Variants in PTPRD observed in about 807,000 individuals in gnomAD.
PTPRD encodes the protein protein tyrosine phosphatase receptor type D.
In PTPRD, 34 loss-of-function variants were observed where a neutral mutation model predicts 214.5. That is an observed-to-expected ratio of 0.16 (90% CI 0.12 to 0.21). PTPRD has a LOEUF of 0.21. PTPRD is among the 10% of genes least tolerant of loss of function. The pLI, the probability that PTPRD is intolerant of heterozygous loss-of-function variation, is 1.00. For synonymous variants in PTPRD, 1,128 were observed against 845.7 expected (o/e 1.33, Z -5.79); for missense variants, 2,545 against 2,398.7 (o/e 1.06, Z -1.27).
At chr9:9,461,176 G>A (rs2093621791) in intron 8 of PTPRD, among the ~76,000 whole-genome samples, 1 of 144,646 alleles carries the variant, frequency 6.9e-6, no homozygotes, top group African/African-American at 2.5e-5. Flanking sequence ...TAAAATGTAG[G>A]AGAATGGAAG....
At chr9:8,550,630 T>C (rs1052205696) in intron 14 of PTPRD, among the ~76,000 whole-genome samples, 1 of 152,160 alleles carries the variant, frequency 6.6e-6, no homozygotes, top group Admixed American at 6.5e-5. Context: ...AAAGAAGAGA[T>C]CATGATTTTC....
At chr9:10,414,969 A>C (rs1026909428) in intron 2 of PTPRD, among the ~76,000 whole-genome samples, 1 of 151,764 alleles carries the variant, frequency 6.6e-6, no homozygotes, top group Non-Finnish European at 1.5e-5. Flanking sequence ...AGAAATAATA[A>C]CTATTGGTTA....
At chr9:8,709,528 AAAAG>A (rs1272776812) in intron 12 of PTPRD, among the ~76,000 whole-genome samples, 2,455 of 148,574 alleles carry the variant, frequency 0.017, 29 homozygotes, top group South Asian at 0.047. Flanking sequence ...AAAAAAAAAA[AAAAG>A]AAAAAGAAAA....
At chr9:9,487,322 G>C (rs1043855439) in intron 8 of PTPRD, among the ~76,000 whole-genome samples, 18 of 144,714 alleles carry the variant, frequency 1.2e-4, no homozygotes, top group Non-Finnish European at 1.9e-4. Context: ...TTAGTTTTTT[G>C]TCCTTGCGAT....
chr9:9,241,983 C>T lies in PTPRD; in HGVS notation c.-202-58620G>A, dbSNP rs187318180. ...GGCATGTTTTTGCAGTGGCTGGTAC[C>T]GGTTGTTCATTTCCATGTTTAGTGC... On this transcript the variant is annotated intron_variant, in intron 9 of 45. Transcript: ENST00000381196. 4.1e-3 allele frequency among the ~76,000 whole-genome samples: 630 copies of T among 152,082 alleles called. 13 individuals are homozygous for T. The highest frequency in any genetic ancestry group is 0.026 in the Admixed American group (401 of 15,274).
chr9:9,931,553 C>T (rs2086576021), intron 5 of PTPRD, among the ~76,000 whole-genome samples: 1 of 152,190 alleles, frequency 6.6e-6, no homozygotes, highest in Admixed American at 6.5e-5. Context: ...AGATTATATC[C>T]CGCACGTGGC....
At chr9:9,244,495 T>C (rs1188736434) in intron 9 of PTPRD, among the ~76,000 whole-genome samples, 1 of 152,058 alleles carries the variant, frequency 6.6e-6, no homozygotes, top group Non-Finnish European at 1.5e-5. Context: ...CATCTACAAC[T>C]ATCTGATCTT....
At chr9:10,326,443 G>C (rs2096644634) in intron 3 of PTPRD, among the ~76,000 whole-genome samples, 1 of 151,614 alleles carries the variant, frequency 6.6e-6, no homozygotes, top group African/African-American at 2.4e-5. Flanking sequence ...AAAAATAATA[G>C]AAATTAGTTA....
chr9:9,028,231 G>T (rs540675661), intron 10 of PTPRD, among the ~76,000 whole-genome samples: 22 of 151,882 alleles, frequency 1.4e-4, no homozygotes, highest in Non-Finnish European at 2.8e-4. Flanking sequence ...ATACTGATAA[G>T]AAATTCAGAC....
At chr9:8,700,335 C>T (rs2098046813) in intron 12 of PTPRD, among the ~76,000 whole-genome samples, 1 of 152,166 alleles carries the variant, frequency 6.6e-6, no homozygotes, top group South Asian at 2.1e-4. Context: ...ATAAAGGAAT[C>T]AAAACAGCTT....
At chr9:9,887,071 A>G (rs1379080298) in intron 5 of PTPRD, among the ~76,000 whole-genome samples, 1 of 152,128 alleles carries the variant, frequency 6.6e-6, no homozygotes, top group Non-Finnish European at 1.5e-5. Flanking sequence ...GCAACAATAC[A>G]TAATGGAATA....
intron 11 of PTPRD, among the ~76,000 whole-genome samples, chr9:8,993,883 TA>T: frequency 6.6e-6 from 1 of 152,212 alleles, no homozygotes; most frequent in South Asian, 2.1e-4. Context: ...GGACACAATG[TA>T]AACATGAGCA....
intron 39 of PTPRD, among the ~76,000 whole-genome samples, chr9:8,351,324 C>T (rs913777471): frequency 3.3e-5 from 5 of 151,832 alleles, no homozygotes; most frequent in African/African-American, 1.2e-4. Context: ...AAAAGATACA[C>T]AAATCAGAAT....
intron 5 of PTPRD, among the ~76,000 whole-genome samples, chr9:9,811,825 G>C (rs749204343): frequency 2.6e-5 from 4 of 152,196 alleles, no homozygotes; most frequent in African/African-American, 7.2e-5. Context: ...TAATAAAGCA[G>C]TGATAGAGTT....
chr9:9,729,285 T>C (rs184119452), intron 7 of PTPRD, among the ~76,000 whole-genome samples: 1 of 152,244 alleles, frequency 6.6e-6, no homozygotes, highest in Non-Finnish European at 1.5e-5. Context: ...TTAGGAAGAT[T>C]CAGTCTTGTG....
intron 9 of PTPRD, among the ~76,000 whole-genome samples, chr9:9,218,287 G>C (rs953273141): frequency 6.6e-6 from 1 of 152,062 alleles, no homozygotes; most frequent in Non-Finnish European, 1.5e-5. Context: ...CATAGATCCG[G>C]ATTAGATAGG....
chr9:9,684,064 C>G (rs2097125042), intron 7 of PTPRD, among the ~76,000 whole-genome samples: 1 of 151,400 alleles, frequency 6.6e-6, no homozygotes, highest in Non-Finnish European at 1.5e-5. Flanking sequence ...ATTTTAAAAG[C>G]AGTGAAGGCC....
At chr9:8,666,848 A>G (rs372089435) in intron 12 of PTPRD, among the ~76,000 whole-genome samples, 96 of 152,282 alleles carry the variant, frequency 6.3e-4, no homozygotes, top group African/African-American at 2.2e-3. Context: ...TTGGCCATCC[A>G]TGACCTCCGC....
At chr9:8,629,152 T>A (rs1262612137) in intron 14 of PTPRD, among the ~76,000 whole-genome samples, 2 of 151,828 alleles carry the variant, frequency 1.3e-5, no homozygotes, top group African/African-American at 4.8e-5. Context: ...ATGATGACAT[T>A]TAGTAAGATG....
Sources: allele counts gnomAD v4.1 joint callset (sites outside exome capture counted in the v4.1 genomes callset), GRCh38; gene constraint gnomAD v4.1.1; transcripts MANE v1.5; gene names NCBI Gene and HGNC (gene_info 2026-07-23, HGNC 2026-07-21).